DOCK1: variants seen among roughly 807,000 people sequenced by gnomAD.
DOCK1 encodes the protein dedicator of cytokinesis 1, also known as dedicator of cytokinesis protein 1.
DOCK1 carries 138 observed loss-of-function variants against 262.7 expected under a neutral mutation model. The observed-to-expected ratio is 0.53, with a 90% confidence interval of 0.46 to 0.61. The LOEUF is 0.61. DOCK1 is among the 20% of genes least tolerant of loss of function. The pLI is 0.00. For synonymous variants in DOCK1, 866 were observed against 867.4 expected (o/e 1.00, Z 0.03); for missense variants, 1,908 against 2,370.7 (o/e 0.80, Z 4.05).
intron 23 of DOCK1, among the ~76,000 whole-genome samples, chr10:127,093,371 G>A (rs548667735): frequency 6.8e-6 from 1 of 146,866 alleles, no homozygotes; most frequent in South Asian, 2.2e-4. Context: ...TCAGCCTCCC[G>A]AGTAGCTGGG....
chr10:127,203,238 T>C (rs2057553379), intron 27 of DOCK1, among the ~76,000 whole-genome samples: 1 of 152,212 alleles, frequency 6.6e-6, no homozygotes. Flanking sequence ...TATAATGGCA[T>C]CGTATTACCA....
Position 127,349,488 on chromosome 10 carries a change from G to A in DOCK1, c.3225-5181G>A, listed in dbSNP as rs1161635873. Reference sequence around the variant, plus strand: ...GGCGGTGGGGGTTCCGCACACCTTGGTCTTAGGCCTTCACACTCTATTCTC... The same window carrying A: ...GGCGGTGGGGGTTCCGCACACCTTGATCTTAGGCCTTCACACTCTATTCTC... On this transcript the variant is annotated intron_variant, in intron 31 of 51. Coordinates refer to ENST00000623213, the MANE Select transcript of DOCK1 (RefSeq NM_001290223.2). Among the ~76,000 whole-genome samples the A allele has an allele frequency of 2.6e-5, 4 of 152,100 alleles. No homozygotes were observed. In the East Asian group the frequency reaches 7.7e-4, roughly 29 times the overall value.
rs545959527 is a variant in DOCK1 at position 127,202,171 on chromosome 10, A to G, written c.2848-45837A>G. ...AAGCTTGTCTCTACTAAAAATAGGA[A>G]AATTAGCCAGGCATAGTGGCTCATG... On this transcript the variant is annotated intron_variant, in intron 27 of 51. Transcript: ENST00000623213. 7.9e-5 allele frequency among the ~76,000 whole-genome samples: 12 copies of G among 152,258 alleles called. No individual in the cohort carries two copies. In the East Asian group the frequency reaches 2.3e-3, roughly 29 times the overall value.
chr10:127,082,449 A>G (rs1175301025), intron 23 of DOCK1, among the ~76,000 whole-genome samples: 1 of 152,168 alleles, frequency 6.6e-6, no homozygotes, highest in Non-Finnish European at 1.5e-5. Context: ...TAGCCAAGGC[A>G]TGTCTTACAT....
At chr10:126,922,496 G>A (rs890015148) in intron 1 of DOCK1, among the ~76,000 whole-genome samples, 1 of 151,974 alleles carries the variant, frequency 6.6e-6, no homozygotes, top group Non-Finnish European at 1.5e-5. Context: ...CCAGTGTCTC[G>A]GGAACTCACT....
At chr10:127,051,608 G>T (rs1180259936) in intron 21 of DOCK1, among the ~76,000 whole-genome samples, 2 of 152,064 alleles carry the variant, frequency 1.3e-5, no homozygotes, top group Non-Finnish European at 2.9e-5. Context: ...TTGAGACAAG[G>T]TTTCACTCTT....
At chr10:127,000,785 T>C (rs1278779712) in intron 10 of DOCK1, 2 of 163,850 alleles carry the variant, frequency 1.2e-5, no homozygotes, top group African/African-American at 4.8e-5. Flanking sequence ...TCCGCCATGT[T>C]GGTGTTCTTC....
At chr10:127,025,569 C>T (rs909428751) in intron 15 of DOCK1, among the ~76,000 whole-genome samples, 2 of 152,074 alleles carry the variant, frequency 1.3e-5, no homozygotes, top group African/African-American at 4.8e-5. Flanking sequence ...GCCTCAGCTT[C>T]CTGAGTAGCT....
intron 31 of DOCK1, among the ~76,000 whole-genome samples, chr10:127,347,702 G>A (rs2063697863): frequency 6.6e-6 from 1 of 151,434 alleles, no homozygotes; most frequent in African/African-American, 2.4e-5. Context: ...GGAAAGGCAT[G>A]TGGTATAAAG....
chr10:127,320,360 G>T (rs988316868), intron 29 of DOCK1, among the ~76,000 whole-genome samples: 6 of 152,220 alleles, frequency 3.9e-5, no homozygotes, highest in Non-Finnish European at 5.9e-5. Flanking sequence ...ACACGCAGGG[G>T]CCAATGCAGC....
chr10:127,392,945 T>C (rs1382089051), intron 38 of DOCK1, among the ~76,000 whole-genome samples: 1 of 152,234 alleles, frequency 6.6e-6, no homozygotes, highest in Non-Finnish European at 1.5e-5. Context: ...GAATCTTGTA[T>C]GTTAAAAATA....
intron 29 of DOCK1, among the ~76,000 whole-genome samples, chr10:127,331,342 G>T (rs1590499909): frequency 6.6e-6 from 1 of 152,088 alleles, no homozygotes; most frequent in Admixed American, 6.6e-5. Context: ...GAGTGCAGCG[G>T]CGCGATCCAG....
chr10:127,260,805 C>CTG (rs150388896), intron 29 of DOCK1, among the ~76,000 whole-genome samples: 45,583 of 87,672 alleles, frequency 0.52, 11,327 homozygotes, highest in African/African-American at 0.56. Flanking sequence ...CCGTGCTCAT[C>CTG]TGTGTGTCCC....
At chr10:127,259,310 A>G (rs779650912) in intron 29 of DOCK1, among the ~76,000 whole-genome samples, 3 of 152,208 alleles carry the variant, frequency 2.0e-5, no homozygotes, top group Admixed American at 6.5e-5. Flanking sequence ...CTTAATAGAA[A>G]GCACTGGTCT....
chr10:127,338,506 T>C (rs1047680748), intron 29 of DOCK1, among the ~76,000 whole-genome samples: 1 of 152,176 alleles, frequency 6.6e-6, no homozygotes, highest in Non-Finnish European at 1.5e-5. Context: ...AAAATTAGCA[T>C]GTGGAAAGTA....
rs561575851 is a variant in DOCK1 at position 127,109,469 on chromosome 10, G to T, written c.2517-779G>T. Among the ~76,000 whole-genome samples, 152 of 152,310 alleles carry T rather than the reference G, an allele frequency of 1.0e-3. 1 individual carries two copies. Among genetic ancestry groups the T allele is most frequent in the Non-Finnish European group, 1.2e-3 (79 of 68,028 alleles). On this transcript the variant is annotated intron_variant, in intron 24 of 51. Coordinates refer to ENST00000623213, the MANE Select transcript of DOCK1 (RefSeq NM_001290223.2). ...TTTAGTATATTTACGAAGATGTGCAGTGATCACCAGAGTCCAATTTTAGAA... is the reference window on the plus strand; with the variant it reads ...TTTAGTATATTTACGAAGATGTGCATTGATCACCAGAGTCCAATTTTAGAA...
chr10:126,908,992 C>G (rs2031360125), intron 1 of DOCK1, among the ~76,000 whole-genome samples: 2 of 152,180 alleles, frequency 1.3e-5, no homozygotes, highest in Admixed American at 6.5e-5. Flanking sequence ...GGTCCACGCC[C>G]TAATCCCCAG....
intron 22 of DOCK1, among the ~76,000 whole-genome samples, chr10:127,058,025 T>C (rs1227358489): frequency 1.3e-5 from 2 of 152,198 alleles, no homozygotes; most frequent in African/African-American, 4.8e-5. Flanking sequence ...ATCAAAAAAG[T>C]GGTTCTCCCT....
chr10:127,076,731 A>G (rs188802099), intron 23 of DOCK1, among the ~76,000 whole-genome samples: 1 of 152,174 alleles, frequency 6.6e-6, no homozygotes, highest in Admixed American at 6.5e-5. Context: ...TTGAAACCCA[A>G]GACTCCATTC....
Sources: gnomAD v4.1 joint callset for allele counts (sites outside exome capture counted in the v4.1 genomes callset) on GRCh38, gnomAD v4.1.1 for gene constraint, MANE v1.5 for transcripts, NCBI Gene and HGNC (gene_info 2026-07-23, HGNC 2026-07-21) for gene names.